The following ADGRV1 variants were observed in gnomAD, a reference collection of about 807,000 sequenced individuals.
ADGRV1 encodes G-protein coupled receptor 98.
A neutral mutation model predicts 596.2 loss-of-function variants in ADGRV1; 359 were observed. That is an observed-to-expected ratio of 0.60 (90% CI 0.55 to 0.66). ADGRV1 has a LOEUF of 0.66. ADGRV1 is among the 30% of genes least tolerant of loss of function. ADGRV1 has a pLI of 0.00. For synonymous variants in ADGRV1, 2,681 were observed against 2,679.2 expected, an observed-to-expected ratio of 1.00 and a Z score of -0.02; for missense variants, 7,274 against 7,575.6, an observed-to-expected ratio of 0.96 and a Z score of 1.48.
At chr5:90,825,253 A>G (rs1184352625) in intron 76 of ADGRV1, among the ~76,000 whole-genome samples, 2 of 152,094 alleles carry the variant, frequency 1.3e-5, no homozygotes, top group African/African-American at 2.4e-5. Context: ...TTTCTTAACT[A>G]TAGCTTTCCG....
intron 84 of ADGRV1, among the ~76,000 whole-genome samples, chr5:90,967,948 T>C (rs1442921424): frequency 6.6e-6 from 1 of 152,210 alleles, no homozygotes; most frequent in Non-Finnish European, 1.5e-5. Flanking sequence ...ACGTTGTAAT[T>C]TACAAAATTC....
At chr5:91,020,532 G>C (rs528282330) in intron 85 of ADGRV1, among the ~76,000 whole-genome samples, 1 of 152,102 alleles carries the variant, frequency 6.6e-6, no homozygotes, top group Admixed American at 6.6e-5. Context: ...ACATCACTAG[G>C]AAATGACAGA....
Position 90,837,541 on chromosome 5 carries a change from T to C in ADGRV1, c.16612-3037T>C, listed in dbSNP as rs541242354. ...ACCCACCATCATGACCGGCTAGTTTTTGTATTTTTATAGAGGTGACATTTC... is the reference window on the plus strand; with the variant it reads ...ACCCACCATCATGACCGGCTAGTTTCTGTATTTTTATAGAGGTGACATTTC... On this transcript the variant is annotated intron_variant, in intron 77 of 89. Coordinates refer to ENST00000405460, the MANE Select transcript of ADGRV1 (RefSeq NM_032119.4). Among the ~76,000 whole-genome samples the C allele has an allele frequency of 7.9e-5, 12 of 152,162 alleles. 1 individual carries two copies. The South Asian group carries it at 2.3e-3, about 29-fold the overall frequency.
At chr5:90,793,665 A>G (rs1032157140) in intron 70 of ADGRV1, among the ~76,000 whole-genome samples, 9 of 152,124 alleles carry the variant, frequency 5.9e-5, no homozygotes, top group African/African-American at 1.9e-4. Flanking sequence ...AAAGCTTAGC[A>G]TTGCATTTCA....
intron 52 of ADGRV1, among the ~76,000 whole-genome samples, chr5:90,748,284 A>G (rs766590569): frequency 1.6e-4 from 25 of 152,222 alleles, no homozygotes; most frequent in Admixed American, 3.3e-4. Flanking sequence ...TCTCTGCCCA[A>G]TAGGGATATA....
In ADGRV1 at chr5:90,658,096, T is replaced by C; in HGVS notation, c.4570T>C (p.Ser1524Pro). ...GTTCAGACAGGGAGAAACTAACAAATCATTCATTATTTCTGCAAGAGATGA... is the reference window on the plus strand; with the variant it reads ...GTTCAGACAGGGAGAAACTAACAAACCATTCATTATTTCTGCAAGAGATGA... ...LEFRQGETNK[S>P]FIISARDDND... Residue 1524 changes from serine (S) to proline (P), a missense_variant, in exon 21 of 90, where the codon TCA becomes CCA. By Grantham distance (74) the Ser-to-Pro change is moderately conservative. Transcript: ENST00000405460. 1 of 1,613,816 alleles carries C rather than the reference T, an allele frequency of 6.2e-7. No individual in the cohort carries two copies.
intron 16 of ADGRV1, 116 bp downstream of exon 16, chr5:90,646,207 CAT>C (rs1471669695): frequency 3.9e-6 from 2 of 509,362 alleles, no homozygotes; most frequent in Non-Finnish European, 5.8e-6. Flanking sequence ...CATTTATATA[CAT>C]ATATATTTAG....
At chr5:90,603,766 A>G (rs919330143) in intron 1 of ADGRV1, among the ~76,000 whole-genome samples, 2 of 151,566 alleles carry the variant, frequency 1.3e-5, no homozygotes, top group African/African-American at 2.4e-5. Context: ...GTTTCATGGC[A>G]TCTGTGTTAG....
At chr5:90,630,643 A>G (rs1268260137) in intron 9 of ADGRV1, 2 of 152,236 alleles carry the variant, frequency 1.3e-5, no homozygotes, top group African/African-American at 2.4e-5. Context: ...ATGTTGCCAT[A>G]CATTGTGCCA....
At chr5:91,023,323 G>T (rs1469137955) in intron 85 of ADGRV1, among the ~76,000 whole-genome samples, 6 of 152,000 alleles carry the variant, frequency 3.9e-5, no homozygotes, top group Non-Finnish European at 7.4e-5. Flanking sequence ...AGGTGAGTTA[G>T]GGGTAAGATA....
chr5:90,882,921 C>T (rs934747378), intron 83 of ADGRV1, among the ~76,000 whole-genome samples: 3 of 147,802 alleles, frequency 2.0e-5, no homozygotes, highest in Non-Finnish European at 4.4e-5. Context: ...CTTCACTTTA[C>T]AAAATGTCTG....
intron 1 of ADGRV1, among the ~76,000 whole-genome samples, chr5:90,600,198 A>C (rs566122171): frequency 1.3e-5 from 2 of 152,268 alleles, no homozygotes; most frequent in South Asian, 4.1e-4. Context: ...GTACATGTGC[A>C]CAACGTGTAG....
intron 85 of ADGRV1, among the ~76,000 whole-genome samples, chr5:91,028,718 A>C (rs1296921741): frequency 6.7e-6 from 1 of 150,208 alleles, no homozygotes; most frequent in East Asian, 2.0e-4. Flanking sequence ...GTCCAAGTGA[A>C]AACACTAGAC....
chr5:90,619,996 A>G (rs1253373630), intron 4 of ADGRV1, among the ~76,000 whole-genome samples: 1 of 151,886 alleles, frequency 6.6e-6, no homozygotes, highest in Non-Finnish European at 1.5e-5. Context: ...AATCCAGTCT[A>G]TCATTGTTGG....
rs752177067 is a variant in ADGRV1, at chr5:90,653,523, C to T, written c.3949C>T (p.His1317Tyr). The T allele has an allele frequency of 6.2e-7, 1 of 1,613,912 alleles. No individual in the cohort carries two copies. The highest frequency in any genetic ancestry group is 8.5e-7 in the Non-Finnish European group (1 of 1,179,882). The change falls in exon 20 of 90, where the codon CAC (histidine) becomes TAC (tyrosine). Residue 1317 changes from histidine (H) to tyrosine (Y), a missense_variant. Around this residue, in one of 5 missense-constraint regions of ADGRV1, gnomAD observed 1,715 missense variants for 1,708.8 expected, o/e 1.00. Coordinates refer to ENST00000405460, the MANE Select transcript of ADGRV1 (RefSeq NM_032119.4). ...IFPTTVHLQQHMRRHHSGTDA... is the reference protein window; with the variant it reads ...IFPTTVHLQQYMRRHHSGTDA... ...CCCCACCACCGTGCATTTACAACAGCACATGCGGCGTCACCACAGTGGAAC... is the reference window on the plus strand; with the variant it reads ...CCCCACCACCGTGCATTTACAACAGTACATGCGGCGTCACCACAGTGGAAC...
chr5:90,642,887 G>A lies in ADGRV1; in HGVS notation c.2399G>A (p.Arg800Gln), dbSNP rs771784301. ...GAATCTGTAGAGCTCCACATCATCC[G>A]ATCAAGGGGGTCCCTTGTTAAGCAG... ...EGESVELHII[R>Q]SRGSLVKQFL... The change falls in exon 13 of 90, where the codon CGA becomes CAA. Residue 800 changes from arginine (R) to glutamine (Q), a missense_variant. Around this residue, in one of 5 missense-constraint regions of ADGRV1, gnomAD observed 1,715 missense variants for 1,708.8 expected, o/e 1.00. Transcript: ENST00000405460. 2.7e-5 allele frequency: 44 copies of A among 1,610,404 alleles called. No individual in the cohort carries two copies. The highest frequency in any genetic ancestry group is 7.7e-5 in the South Asian group (7 of 90,410).
chr5:91,027,144 A>ACACACAC (rs1784079107), intron 85 of ADGRV1, among the ~76,000 whole-genome samples: 1 of 129,128 alleles, frequency 7.7e-6, no homozygotes, highest in South Asian at 2.9e-4. Flanking sequence ...ACAGTCTCAA[A>ACACACAC]ACACACACAC....
intron 1 of ADGRV1, among the ~76,000 whole-genome samples, chr5:90,612,163 G>A (rs1762799095): frequency 6.6e-6 from 1 of 151,924 alleles, no homozygotes; most frequent in African/African-American, 2.4e-5. Context: ...TAATTGCCTG[G>A]GAAACTGTAA....
intron 83 of ADGRV1, among the ~76,000 whole-genome samples, chr5:90,928,559 TC>T (rs1774788247): frequency 6.6e-6 from 1 of 150,566 alleles, no homozygotes; most frequent in East Asian, 2.0e-4. Flanking sequence ...GTTTTCAACT[TC>T]TTTGCCTTTG....
Sources: gnomAD v4.1 joint callset for allele counts (sites outside exome capture counted in the v4.1 genomes callset) on GRCh38, gnomAD v4.1.1 for gene constraint, gnomAD v4.1.1 regional missense constraint, MANE v1.5 for transcripts, NCBI Gene and HGNC (gene_info 2026-07-23, HGNC 2026-07-21) for gene names.